Variants in PTPRT observed in about 807,000 individuals in gnomAD.
The protein encoded by PTPRT is receptor-type tyrosine-protein phosphatase T.
In PTPRT, 56 loss-of-function variants were observed where a neutral mutation model predicts 176.8. That is an observed-to-expected ratio of 0.32 (90% CI 0.26 to 0.40). The LOEUF (loss-of-function observed/expected upper bound fraction) is 0.40, where lower values mean the gene tolerates loss of function less well. Ranked by LOEUF, PTPRT falls within the 10% of genes least tolerant of loss-of-function variation. The pLI, the probability that PTPRT is intolerant of heterozygous loss-of-function variation, is 1.00. For synonymous variants in PTPRT, 783 were observed against 739.0 expected (o/e 1.06, Z -0.96); for missense variants, 1,540 against 1,908.2 (o/e 0.81, Z 3.60).
chr20:42,050,482 G>A, the PTPRT span, among the ~76,000 whole-genome samples: 6 of 152,218 alleles, frequency 3.9e-5, no homozygotes, highest in Admixed American at 1.3e-4. Flanking sequence ...GCTCTGAGCC[G>A]CTCTGTTCCA....
chr20:42,747,771 G>C (rs907035910), intron 6 of PTPRT, among the ~76,000 whole-genome samples: 6 of 152,122 alleles, frequency 3.9e-5, no homozygotes, highest in African/African-American at 7.2e-5. Flanking sequence ...AAATATGGGG[G>C]TGGGGCATTA....
intron 6 of PTPRT, among the ~76,000 whole-genome samples, chr20:42,682,721 A>G (rs2075624046): frequency 1.3e-5 from 2 of 152,194 alleles, no homozygotes; most frequent in Non-Finnish European, 2.9e-5. Context: ...GGAGCCATCC[A>G]TGAGACCTGG....
chr20:42,786,735 T>C (rs2077296529), intron 3 of PTPRT, among the ~76,000 whole-genome samples: 1 of 152,194 alleles, frequency 6.6e-6, no homozygotes, highest in Non-Finnish European at 1.5e-5. Context: ...TGGTCCTATA[T>C]ATGGGGTTTC....
At chr20:42,956,866 T>A (rs917996392) in intron 1 of PTPRT, among the ~76,000 whole-genome samples, 1 of 151,924 alleles carries the variant, frequency 6.6e-6, no homozygotes, top group African/African-American at 2.4e-5. Flanking sequence ...ATAAACTGAG[T>A]CCAAGATACC....
chr20:42,109,012 T>C (rs6029976), intron 23 of PTPRT, among the ~76,000 whole-genome samples: 20,208 of 152,202 alleles, frequency 0.13, 2,747 homozygotes, highest in African/African-American at 0.35. Context: ...GCATTAATGA[T>C]CCATTGCCCT....
intron 7 of PTPRT, among the ~76,000 whole-genome samples, chr20:42,577,394 G>A (rs1339425044): frequency 6.6e-6 from 1 of 152,178 alleles, no homozygotes; most frequent in Non-Finnish European, 1.5e-5. Context: ...CCACCAGGCT[G>A]TGCTGCAGGC....
chr20:42,503,271 C>A lies in PTPRT; in HGVS notation c.1154-30709G>T, dbSNP rs1164609899. Among the ~76,000 whole-genome samples, 4 of 152,086 alleles carry A rather than the reference C, an allele frequency of 2.6e-5. No individual in the cohort carries two copies. In the South Asian group the frequency reaches 6.2e-4, roughly 24 times the overall value. On this transcript the variant is annotated intron_variant, in intron 7 of 30. Transcript: ENST00000373187. Reference sequence around the variant, plus strand: ...TTTACCGTAATATGATTGCTTAAATCATTAAATATTTGGATATTCTTCATT... The same window carrying A: ...TTTACCGTAATATGATTGCTTAAATAATTAAATATTTGGATATTCTTCATT...
chr20:42,362,383 G>A (rs999298715), intron 9 of PTPRT, among the ~76,000 whole-genome samples: 2 of 151,584 alleles, frequency 1.3e-5, no homozygotes, highest in Non-Finnish European at 2.9e-5. Context: ...GCATAATCTC[G>A]ATCTAATCGT....
At chr20:42,296,313 G>T (rs2057385693) in intron 12 of PTPRT, among the ~76,000 whole-genome samples, 1 of 152,118 alleles carries the variant, frequency 6.6e-6, no homozygotes, top group Non-Finnish European at 1.5e-5. Context: ...GGGTGTGGTG[G>T]CACGTGCCTG....
intron 6 of PTPRT, among the ~76,000 whole-genome samples, chr20:42,754,913 A>C (rs2076809235): frequency 6.6e-6 from 1 of 152,196 alleles, no homozygotes; most frequent in South Asian, 2.1e-4. Context: ...ACTGAGAACC[A>C]GTGCCAGGCA....
At chr20:42,615,191 GT>G (rs2074051231) in intron 7 of PTPRT, among the ~76,000 whole-genome samples, 1 of 129,564 alleles carries the variant, frequency 7.7e-6, no homozygotes, top group Admixed American at 7.8e-5. Context: ...GCGGTGTTTG[GT>G]TTTTTGTTCT....
intron 11 of PTPRT, among the ~76,000 whole-genome samples, chr20:42,348,419 T>C (rs189785122): frequency 8.0e-4 from 122 of 152,114 alleles, no homozygotes; most frequent in African/African-American, 2.8e-3. Context: ...GATAAAAATG[T>C]CACCAAAATA....
At chr20:42,126,570 C>T (rs184444904) in intron 19 of PTPRT, among the ~76,000 whole-genome samples, 1 of 152,180 alleles carries the variant, frequency 6.6e-6, no homozygotes, top group East Asian at 1.9e-4. Context: ...CAAGGCAGAA[C>T]TGAGACATCA....
At chr20:42,914,040 G>A (rs1303968614) in intron 1 of PTPRT, among the ~76,000 whole-genome samples, 1 of 152,158 alleles carries the variant, frequency 6.6e-6, no homozygotes, top group Non-Finnish European at 1.5e-5. Context: ...ACACAACACT[G>A]GAGTAGATTT....
At chr20:43,014,635 C>T (rs1309309265) in intron 1 of PTPRT, among the ~76,000 whole-genome samples, 4 of 152,144 alleles carry the variant, frequency 2.6e-5, no homozygotes, top group Non-Finnish European at 4.4e-5. Context: ...CAAAGGTATA[C>T]ACTACTCCAA....
chr20:42,049,302 C>A, the PTPRT span, among the ~76,000 whole-genome samples: 1 of 152,356 alleles, frequency 6.6e-6, no homozygotes, highest in South Asian at 2.1e-4. Flanking sequence ...ATCATGGTTT[C>A]TTACTCTTCC....
chr20:42,559,109 G>A (rs2072908348), intron 7 of PTPRT, among the ~76,000 whole-genome samples: 1 of 152,074 alleles, frequency 6.6e-6, no homozygotes, highest in Non-Finnish European at 1.5e-5. Flanking sequence ...ATGAACTATG[G>A]GTGATTATGC....
At chr20:43,109,088 C>G (rs1440288995) in intron 1 of PTPRT, among the ~76,000 whole-genome samples, 1 of 151,848 alleles carries the variant, frequency 6.6e-6, no homozygotes, top group Non-Finnish European at 1.5e-5. Flanking sequence ...TTTTTTTTCC[C>G]CGCTTTCCCT....
In PTPRT at chr20:42,867,390, A is replaced by ATTT. The variant is rs761289845; in HGVS notation, c.214+18414_214+18416dup. Among the ~76,000 whole-genome samples the ATTT allele has an allele frequency of 3.8e-3, 385 of 102,186 alleles. 13 individuals carry two copies. Among genetic ancestry groups the ATTT allele is most frequent in the African/African-American group, 0.015 (374 of 24,336 alleles). The allele number at this position is 102,186 out of a possible 152,430, so 67.0% of individuals were successfully genotyped here. On this transcript the variant is annotated intron_variant, in intron 2 of 30. Coordinates refer to ENST00000373187, the MANE Select transcript of PTPRT (RefSeq NM_007050.6). ...TTTCTTCTATGTGAAAAGAACACAGATTTTTTTTTTTTTTTTTTTTTTTTT... is the reference window on the plus strand; with the variant it reads ...TTTCTTCTATGTGAAAAGAACACAGATTTTTTTTTTTTTTTTTTTTTTTTTTTT...
Sources: allele counts gnomAD v4.1 joint callset (sites outside exome capture counted in the v4.1 genomes callset), GRCh38; gene constraint gnomAD v4.1.1; transcripts MANE v1.5; gene names NCBI Gene and HGNC (gene_info 2026-07-23, HGNC 2026-07-21).